Variants in SLC9C1 observed in about 807,000 individuals in gnomAD.
SLC9C1 encodes the protein sodium/hydrogen exchanger 10.
A neutral mutation model predicts 140.9 loss-of-function variants in SLC9C1; 97 were observed. The ratio of observed to expected loss-of-function variants is 0.69; its 90% CI spans 0.58 to 0.82. SLC9C1 has a LOEUF of 0.82. Among genes scored for constraint, SLC9C1 ranks in the 40% least tolerant of loss-of-function variants. The pLI, the probability that SLC9C1 is intolerant of heterozygous loss-of-function variation, is 0.00. For missense variants in SLC9C1, 1,340 were observed against 1,389.3 expected (o/e 0.96, Z 0.56); for synonymous variants, 440 against 442.6 (o/e 0.99, Z 0.07).
intron 28 of SLC9C1, chr3:112,151,251 AT>A (rs2074968380): frequency 2.1e-6 from 1 of 475,262 alleles, no homozygotes; most frequent in African/African-American, 2.0e-5. Context: ...ACACACAAAT[AT>A]TTCCCCATAG....
chr3:112,158,770 T>A (rs914721773), intron 26 of SLC9C1, among the ~76,000 whole-genome samples: 1 of 151,922 alleles, frequency 6.6e-6, no homozygotes, highest in Admixed American at 6.6e-5. Context: ...TCCAGGAATT[T>A]ATCCATTTCT....
chr3:112,200,254 T>G (rs1268664902), intron 19 of SLC9C1, among the ~76,000 whole-genome samples: 2 of 152,136 alleles, frequency 1.3e-5, no homozygotes, highest in African/African-American at 4.8e-5. Context: ...TGTTTGACAC[T>G]GGGCCTCCCA....
intron 18 of SLC9C1, 44 bp from the exon 19 acceptor site, chr3:112,200,806 G>T (rs369436729): frequency 6.6e-7 from 1 of 1,511,078 alleles, no homozygotes; most frequent in Non-Finnish European, 9.1e-7. Context: ...AAAACAGACT[G>T]TTATAAAATG....
intron 19 of SLC9C1, 49 bp from the exon 20 acceptor site, chr3:112,199,518 A>G (rs772551021): frequency 1.4e-6 from 2 of 1,418,672 alleles, no homozygotes; most frequent in South Asian, 3.1e-5. Context: ...ATTGTTTTAA[A>G]TGTTTTATGT....
At chr3:112,270,244 T>C (rs570063792) in intron 6 of SLC9C1, among the ~76,000 whole-genome samples, 167 bp from the exon 7 acceptor site, 118 of 152,356 alleles carry the variant, frequency 7.7e-4, no homozygotes, top group East Asian at 3.5e-3. Flanking sequence ...TCAATTCCTT[T>C]GGATATATAC....
chr3:112,194,794 T>C (rs773305078), intron 20 of SLC9C1, among the ~76,000 whole-genome samples: 2 of 152,124 alleles, frequency 1.3e-5, no homozygotes, highest in South Asian at 2.1e-4. Context: ...ACCGAAACAA[T>C]GATATTTTCT....
chr3:112,146,160 A>G (rs1298268332), intron 28 of SLC9C1, among the ~76,000 whole-genome samples: 1 of 151,814 alleles, frequency 6.6e-6, no homozygotes, highest in East Asian at 1.9e-4. Flanking sequence ...GGGATTGGTT[A>G]TAACGTCACC....
intron 17 of SLC9C1, among the ~76,000 whole-genome samples, chr3:112,203,130 G>A (rs1179158809): frequency 6.6e-6 from 1 of 152,018 alleles, no homozygotes; most frequent in East Asian, 1.9e-4. Flanking sequence ...TCAATATCTA[G>A]ATTACTCGTG....
At chr3:112,144,639 A>G (rs2074731365) in intron 28 of SLC9C1, among the ~76,000 whole-genome samples, 1 of 152,046 alleles carries the variant, frequency 6.6e-6, no homozygotes, top group Non-Finnish European at 1.5e-5. Flanking sequence ...GTATTTTGTC[A>G]TTCTCCTTAT....
At chr3:112,284,156 A>C (rs1345416566) in intron 2 of SLC9C1, among the ~76,000 whole-genome samples, 1 of 152,236 alleles carries the variant, frequency 6.6e-6, no homozygotes, top group Non-Finnish European at 1.5e-5. Context: ...TGAGACCCAG[A>C]CCTGCATGAA....
At chr3:112,259,556 T>G (rs1374668355) in intron 10 of SLC9C1, among the ~76,000 whole-genome samples, 1 of 151,982 alleles carries the variant, frequency 6.6e-6, no homozygotes, top group Non-Finnish European at 1.5e-5. Context: ...ATCACACTTA[T>G]AAGTGGGAGC....
At position 112,144,822 on chromosome 3, in the gene SLC9C1, G is replaced by A. The variant is rs528436773; in HGVS notation, c.3525-3541C>T. 2.6e-5 allele frequency among the ~76,000 whole-genome samples: 4 copies of A among 152,222 alleles called. No individual in the cohort carries two copies. The Middle Eastern group carries it at 0.014, about 518-fold the overall frequency. On this transcript the variant is annotated intron_variant, in intron 28 of 28. Coordinates refer to ENST00000305815, the MANE Select transcript of SLC9C1 (RefSeq NM_183061.3). Reference sequence around the variant, plus strand: ...TCCTGAAACTTTGCTGAAGTTGTTTGTCACCTCCAGAAGCCTTTTGGTAGA... The same window carrying A: ...TCCTGAAACTTTGCTGAAGTTGTTTATCACCTCCAGAAGCCTTTTGGTAGA...
intron 4 of SLC9C1, 81 bp from the exon 5 acceptor site, chr3:112,277,941 G>A (rs2080260393): frequency 8.1e-7 from 1 of 1,233,424 alleles, no homozygotes. Context: ...GATTATTGGA[G>A]ATACAGAATC....
intron 23 of SLC9C1, among the ~76,000 whole-genome samples, chr3:112,176,604 A>T (rs2077341513): frequency 2.0e-5 from 3 of 152,264 alleles, no homozygotes; most frequent in Middle Eastern, 6.8e-3. Flanking sequence ...TTTGTAATTC[A>T]TGGTTGCTCA....
chr3:112,225,027 C>T (rs2078646935), intron 13 of SLC9C1, among the ~76,000 whole-genome samples: 1 of 151,974 alleles, frequency 6.6e-6, no homozygotes, highest in South Asian at 2.1e-4. Context: ...CATCTAGATC[C>T]AGGAAGGTCA....
chr3:112,213,293 A>C (rs936154202), intron 15 of SLC9C1, among the ~76,000 whole-genome samples: 5 of 152,234 alleles, frequency 3.3e-5, no homozygotes, highest in African/African-American at 1.2e-4. Context: ...AAGAAACTGC[A>C]TCAACTAATG....
intron 26 of SLC9C1, among the ~76,000 whole-genome samples, chr3:112,156,244 C>T (rs937737068): frequency 4.6e-5 from 7 of 152,096 alleles, no homozygotes; most frequent in African/African-American, 1.7e-4. Context: ...TGAATGAGAA[C>T]ATGTCGCATT....
Position 112,266,203 on chromosome 3 carries a change from G to A in SLC9C1, c.878+35C>T, listed in dbSNP as rs759700883. 4.3e-6 allele frequency: 6 copies of A among 1,383,048 alleles called. No homozygotes were observed. In the South Asian group the frequency reaches 4.9e-5, roughly 11 times the overall value. The allele number at this position is 1,383,048 out of a possible 1,614,324, so 85.7% of individuals were successfully genotyped here. ...CTATTATAATATTATAGCTTCCAGT[G>A]TATGAAATAAAGTCAAAATATGCTA... On this transcript the variant is annotated intron_variant, in intron 8 of 28. Transcript: ENST00000305815.
intron 12 of SLC9C1, 59 bp downstream of exon 12, chr3:112,239,781 T>A (rs1436434598): frequency 1.4e-6 from 2 of 1,418,056 alleles, no homozygotes; most frequent in Non-Finnish European, 1.9e-6. Flanking sequence ...ATGATCTGAT[T>A]TATACTTCAG....
Sources: gnomAD v4.1 joint callset for allele counts (sites outside exome capture counted in the v4.1 genomes callset) on GRCh38, gnomAD v4.1.1 for gene constraint, MANE v1.5 for transcripts, NCBI Gene and HGNC (gene_info 2026-07-23, HGNC 2026-07-21) for gene names.